Variants in HAO1 observed in about 807,000 individuals in gnomAD.
The protein encoded by HAO1 is 2-Hydroxyacid oxidase 1.
A neutral mutation model predicts 39.7 loss-of-function variants in HAO1; 34 were observed. The ratio of observed to expected loss-of-function variants is 0.86; its 90% CI spans 0.65 to 1.14. The LOEUF (loss-of-function observed/expected upper bound fraction) is 1.14, where lower values mean the gene tolerates loss of function less well. HAO1 is among the 50% of genes most tolerant of loss of function. The pLI, the probability that HAO1 is intolerant of heterozygous loss-of-function variation, is 0.00. For missense variants in HAO1, 479 were observed against 464.5 expected (o/e 1.03, Z -0.29); for synonymous variants, 172 against 173.2 (o/e 0.99, Z 0.05).
At chr20:7,920,071 C>T (rs140254389) in intron 2 of HAO1, among the ~76,000 whole-genome samples, 29 of 152,186 alleles carry the variant, frequency 1.9e-4, no homozygotes, top group African/African-American at 6.3e-4. Flanking sequence ...TTTAATCCCA[C>T]GCATCAAGGC....
At chr20:7,936,526 G>GTGTGTA (rs1471018935) in intron 1 of HAO1, among the ~76,000 whole-genome samples, 9 of 148,170 alleles carry the variant, frequency 6.1e-5, no homozygotes, top group Non-Finnish European at 1.2e-4. Context: ...GTGTGTGTGT[G>GTGTGTA]TGTGTGTGTG....
intron 4 of HAO1, among the ~76,000 whole-genome samples, chr20:7,896,470 A>G (rs2122757987): frequency 6.6e-6 from 1 of 152,322 alleles, no homozygotes; most frequent in South Asian, 2.1e-4. Flanking sequence ...TATAAATTAT[A>G]TGCTATCATT....
At chr20:7,927,304 C>A (rs1313808498) in intron 2 of HAO1, among the ~76,000 whole-genome samples, 1 of 152,010 alleles carries the variant, frequency 6.6e-6, no homozygotes, top group African/African-American at 2.4e-5. Context: ...TTTATTATTG[C>A]TATTTCCTTC....
intron 5 of HAO1, among the ~76,000 whole-genome samples, chr20:7,890,089 C>G (rs750493680): frequency 2.0e-5 from 3 of 152,184 alleles, no homozygotes; most frequent in Non-Finnish European, 4.4e-5. Flanking sequence ...ACACCAAATG[C>G]TTTCTCACAT....
At chr20:7,933,763 A>AT (rs991964788) in intron 2 of HAO1, among the ~76,000 whole-genome samples, 9 of 152,018 alleles carry the variant, frequency 5.9e-5, no homozygotes, top group Non-Finnish European at 1.2e-4. Flanking sequence ...ATTTGGGGAG[A>AT]TTTTTTACTC....
intron 2 of HAO1, among the ~76,000 whole-genome samples, chr20:7,926,452 T>C (rs1310477038): frequency 6.6e-6 from 1 of 152,150 alleles, no homozygotes; most frequent in Non-Finnish European, 1.5e-5. Flanking sequence ...ATATATCTAG[T>C]CGGTCGCCTA....
chr20:7,920,547 A>G (rs1334216261), intron 2 of HAO1, among the ~76,000 whole-genome samples: 12 of 152,160 alleles, frequency 7.9e-5, no homozygotes, highest in Non-Finnish European at 1.6e-4. Context: ...GAAACTTTGT[A>G]CAACTTTGAT....
At chr20:7,903,897 T>C (rs1314763403) in intron 4 of HAO1, among the ~76,000 whole-genome samples, 1 of 149,746 alleles carries the variant, frequency 6.7e-6, no homozygotes, top group Non-Finnish European at 1.5e-5. Context: ...GTGGTGGTGG[T>C]GGTGGCAGTG....
At chr20:7,932,014 G>C (rs2050387992) in intron 2 of HAO1, among the ~76,000 whole-genome samples, 1 of 152,190 alleles carries the variant, frequency 6.6e-6, no homozygotes, top group Non-Finnish European at 1.5e-5. Flanking sequence ...GGTGTTGAGG[G>C]AAAGACCTAG....
intron 3 of HAO1, among the ~76,000 whole-genome samples, chr20:7,908,200 G>C (rs1360583006): frequency 1.3e-5 from 2 of 151,982 alleles, no homozygotes; most frequent in East Asian, 1.9e-4. Context: ...GACCAGTCTG[G>C]CCAGCATGAT....
chr20:7,884,079 A>G (rs1336229364), intron 7 of HAO1, among the ~76,000 whole-genome samples: 1 of 152,212 alleles, frequency 6.6e-6, no homozygotes, highest in Admixed American at 6.5e-5. Flanking sequence ...GATATGGATT[A>G]CAGAAAAGGA....
chr20:7,910,465 GAT>G (rs1279160996), intron 3 of HAO1, among the ~76,000 whole-genome samples: 4 of 152,154 alleles, frequency 2.6e-5, no homozygotes, highest in Non-Finnish European at 5.9e-5. Context: ...CTAAACTCAA[GAT>G]ATCAATAGGG....
At chr20:7,921,000 A>T (rs1600117203) in intron 2 of HAO1, among the ~76,000 whole-genome samples, 1 of 152,122 alleles carries the variant, frequency 6.6e-6, no homozygotes, top group East Asian at 1.9e-4. Flanking sequence ...GAATCAAGAG[A>T]CAACACAGGT....
At chr20:7,924,497 A>G (rs949509330) in intron 2 of HAO1, among the ~76,000 whole-genome samples, 7 of 152,068 alleles carry the variant, frequency 4.6e-5, no homozygotes, top group African/African-American at 1.7e-4. Flanking sequence ...GAATTATAAT[A>G]TATTTGAGAA....
At chr20:7,906,660 C>T (rs549509366) in intron 3 of HAO1, among the ~76,000 whole-genome samples, 2 of 152,116 alleles carry the variant, frequency 1.3e-5, no homozygotes, top group African/African-American at 2.4e-5. Flanking sequence ...AGAGTTGACA[C>T]GATTTTCAGC....
chr20:7,940,018 A>G (rs1404913759), intron 1 of HAO1, among the ~76,000 whole-genome samples: 3 of 152,198 alleles, frequency 2.0e-5, no homozygotes, highest in African/African-American at 4.8e-5. Flanking sequence ...CTATTTTTAC[A>G]TGTAGTTAAA....
chr20:7,936,498 G>A (rs895446590), intron 1 of HAO1, among the ~76,000 whole-genome samples: 9 of 145,978 alleles, frequency 6.2e-5, no homozygotes, highest in Admixed American at 2.1e-4. Context: ...CTGCAGGGCA[G>A]CAGCCGTGTG....
At chr20:7,884,107 A>G (rs1189191968) in intron 7 of HAO1, among the ~76,000 whole-genome samples, 1 of 152,210 alleles carries the variant, frequency 6.6e-6, no homozygotes, top group Non-Finnish European at 1.5e-5. Flanking sequence ...TTTACCTTCA[A>G]AAATGCGGTA....
intron 7 of HAO1, among the ~76,000 whole-genome samples, chr20:7,883,878 T>C (rs914160010): frequency 3.3e-5 from 5 of 152,194 alleles, no homozygotes; most frequent in African/African-American, 1.2e-4. Context: ...AAAGAGTATA[T>C]TCTTTCTGCC....
Sources: gnomAD v4.1 joint callset for allele counts (sites outside exome capture counted in the v4.1 genomes callset) on GRCh38, gnomAD v4.1.1 for gene constraint, MANE v1.5 for transcripts, NCBI Gene and HGNC (gene_info 2026-07-23, HGNC 2026-07-21) for gene names.